Variants in ACTA2 observed in about 807,000 individuals in gnomAD.
The protein encoded by ACTA2 is actin, aortic smooth muscle.
A neutral mutation model predicts 39.5 loss-of-function variants in ACTA2; 12 were observed. That is an observed-to-expected ratio of 0.30 (90% confidence interval 0.19 to 0.49). ACTA2 has a LOEUF of 0.49. ACTA2 is among the 20% of genes least tolerant of loss of function. ACTA2 has a pLI of 0.99. For missense variants in ACTA2, 236 were observed against 498.8 expected (o/e 0.47, Z 5.02); for synonymous variants, 158 against 180.6 (o/e 0.88, Z 1.00).
At chr10:88,954,834 G>T (rs1052519077), upstream of ACTA2, among the ~76,000 whole-genome samples, 1 of 151,766 alleles carries the variant, frequency 6.6e-6, no homozygotes, top group Admixed American at 6.6e-5. Context: ...TGATCTTATT[G>T]CCTGGGTTTG....
intron 8 of ACTA2, 61 bp downstream of exon 8, chr10:88,938,000 C>T (rs1845774809): frequency 6.3e-7 from 1 of 1,592,474 alleles, no homozygotes; most frequent in Non-Finnish European, 8.6e-7. Context: ...GAGTTCTTAT[C>T]TGTGGTTATA....
intron 6 of ACTA2, 32 bp downstream of exon 6, chr10:88,941,197 C>T (rs1845841164): frequency 6.2e-7 from 1 of 1,613,022 alleles, no homozygotes; most frequent in African/African-American, 1.3e-5. Context: ...ACACACTGCT[C>T]CCCTCTCCCC....
At position 88,935,353 on chromosome 10, in the gene ACTA2, G is replaced by A; in HGVS notation, c.1004C>T (p.Pro335Leu). The A allele has an allele frequency of 6.2e-7, 1 of 1,613,834 alleles. No homozygotes were observed. The highest frequency in any genetic ancestry group is 8.5e-7 in the Non-Finnish European group (1 of 1,179,786). ...GATCCAGACAGAGTATTTGCGCTCC[G>A]GAGGGGCAATGATCTGTCAGTCAAG... ...STMKIKIIAP[P>L]ERKYSVWIGG... Residue 335 changes from proline (P) to leucine (L), a missense_variant, in exon 9 of 9, where the codon CCG becomes CTG. Pro to Leu is a moderately conservative substitution (Grantham distance 98, BLOSUM62 -3). Transcript: ENST00000224784.
chr10:88,954,605 G>A (rs1469886270), upstream of ACTA2, among the ~76,000 whole-genome samples: 1 of 152,108 alleles, frequency 6.6e-6, no homozygotes, highest in Non-Finnish European at 1.5e-5. Flanking sequence ...AAACACCAAA[G>A]AGAAGAGTTT....
chr10:88,978,236 C>G (rs1440531675), intron 1 of ACTA2, among the ~76,000 whole-genome samples: 3 of 123,106 alleles, frequency 2.4e-5, no homozygotes, highest in Non-Finnish European at 5.0e-5. Flanking sequence ...ATATCACACT[C>G]TGGGGACTGT....
intron 8 of ACTA2, 120 bp from the exon 9 acceptor site, chr10:88,935,486 G>T (rs3781212): frequency 5.1e-6 from 6 of 1,174,854 alleles, no homozygotes; most frequent in South Asian, 3.7e-5. Flanking sequence ...AGGGACACAG[G>T]CTTGTCTGTT....
At chr10:88,969,586 T>G (rs1293640873) in intron 1 of ACTA2, among the ~76,000 whole-genome samples, 2 of 152,204 alleles carry the variant, frequency 1.3e-5, no homozygotes, top group African/African-American at 2.4e-5. Flanking sequence ...CTTTTTTTTT[T>G]GGCTGGTTTA....
chr10:88,950,307 T>G (rs1254800922), intron 1 of ACTA2, among the ~76,000 whole-genome samples: 1 of 152,170 alleles, frequency 6.6e-6, no homozygotes, highest in Non-Finnish European at 1.5e-5. Flanking sequence ...TTGAGAAAAT[T>G]TCTTCTTCTA....
At chr10:88,968,475 G>A (rs913502733) in intron 1 of ACTA2, among the ~76,000 whole-genome samples, 4 of 152,182 alleles carry the variant, frequency 2.6e-5, no homozygotes, top group Non-Finnish European at 5.9e-5. Context: ...AGCTGTGAAT[G>A]TTGGTAACAC....
chr10:88,964,577 A>G (rs1211407132), intron 1 of ACTA2, among the ~76,000 whole-genome samples: 1 of 152,184 alleles, frequency 6.6e-6, no homozygotes, highest in Non-Finnish European at 1.5e-5. Flanking sequence ...CCTTCTTGGT[A>G]GAGAGGGAAG....
At chr10:88,982,139 G>A (rs189717085) in intron 1 of ACTA2, among the ~76,000 whole-genome samples, 4 of 152,342 alleles carry the variant, frequency 2.6e-5, no homozygotes, top group African/African-American at 9.6e-5. Context: ...ACAGCTTACT[G>A]GTTGGGTGAC....
At chr10:88,981,300 T>G (rs1366863439) in intron 1 of ACTA2, among the ~76,000 whole-genome samples, 1 of 152,230 alleles carries the variant, frequency 6.6e-6, no homozygotes, top group African/African-American at 2.4e-5. Flanking sequence ...TGAGACATTG[T>G]GTGCATAAAG....
intron 1 of ACTA2, among the ~76,000 whole-genome samples, chr10:88,969,234 G>C (rs758323684): frequency 6.6e-6 from 1 of 152,096 alleles, no homozygotes; most frequent in East Asian, 1.9e-4. Context: ...ATAGATTTCC[G>C]TAATGTCCAA....
At chr10:88,947,536 C>A (rs562590991) in intron 2 of ACTA2, 150 bp from the exon 3 acceptor site, 4 of 1,211,770 alleles carry the variant, frequency 3.3e-6, no homozygotes, top group Admixed American at 3.9e-5. Context: ...TGCCACTATG[C>A]TCTTAAGCAA....
chr10:88,972,833 T>C (rs575145073), intron 1 of ACTA2, among the ~76,000 whole-genome samples: 3 of 152,232 alleles, frequency 2.0e-5, no homozygotes, highest in Non-Finnish European at 2.9e-5. Context: ...ACCCCATTTA[T>C]CTTTTAATCT....
intron 1 of ACTA2, among the ~76,000 whole-genome samples, chr10:88,977,908 CAA>C (rs1846608977): frequency 5.1e-5 from 4 of 78,336 alleles, no homozygotes; most frequent in African/African-American, 1.5e-4. Flanking sequence ...GGTATATACC[CAA>C]AGGACTATAA....
Position 88,935,793 on chromosome 10 carries a change from A to C in ACTA2, c.991-427T>G, listed in dbSNP as rs145589141. On this transcript the variant is annotated intron_variant, in intron 8 of 8. Coordinates refer to ENST00000224784, the MANE Select transcript of ACTA2 (RefSeq NM_001613.4). ...TTAATTGTGCTAGGACTTAGTATAC[A>C]AATGTGTTTCCACGTGGTGAAGTGA... 5.4e-3 allele frequency among the ~76,000 whole-genome samples: 828 copies of C among 152,290 alleles called. 3 individuals are homozygous for C. Among genetic ancestry groups the C allele is most frequent in the Middle Eastern group, 0.02 (6 of 294 alleles).
At chr10:88,953,641 G>A (rs942402543), upstream of ACTA2, among the ~76,000 whole-genome samples, 1 of 152,082 alleles carries the variant, frequency 6.6e-6, no homozygotes, top group Non-Finnish European at 1.5e-5. Flanking sequence ...TTGGTTCTAC[G>A]TCCCCACCCA....
At chr10:88,949,076 A>G (rs1846004502) in intron 1 of ACTA2, 123 bp from the exon 2 acceptor site, 5 of 832,508 alleles carry the variant, frequency 6.0e-6, no homozygotes, top group Non-Finnish European at 9.7e-6. Context: ...CTATCCTCTG[A>G]CCCTTATCTA....
Sources: allele counts gnomAD v4.1 joint callset (sites outside exome capture counted in the v4.1 genomes callset), GRCh38; gene constraint gnomAD v4.1.1; transcripts MANE v1.5; gene names NCBI Gene and HGNC (gene_info 2026-07-23, HGNC 2026-07-21).